TMEFF2: variants seen among roughly 807,000 people sequenced by gnomAD.
TMEFF2 encodes the protein transmembrane protein with EGF like and two follistatin like domains 2.
In TMEFF2, 28 loss-of-function variants were observed where a neutral mutation model predicts 53.8. That is an observed-to-expected ratio of 0.52 (90% CI 0.39 to 0.71). TMEFF2 has a LOEUF of 0.71. TMEFF2 is among the 30% of genes least tolerant of loss of function. The pLI is 0.00. For synonymous variants in TMEFF2, 162 were observed against 166.3 expected (o/e 0.97, Z 0.20); for missense variants, 353 against 455.2 (o/e 0.78, Z 2.04).
Position 192,013,455 on chromosome 2 carries a change from C to CTT in TMEFF2, c.537-14249_537-14248dup, listed in dbSNP as rs879414897. Among the ~76,000 whole-genome samples the CTT allele has an allele frequency of 4.0e-4, 57 of 143,826 alleles. 1 individual carries two copies. The highest frequency in any genetic ancestry group is 1.3e-3 in the African/African-American group (53 of 39,464). 94.4% of individuals were successfully genotyped at this position (143,826 alleles called of 152,430 possible). A position where few individuals can be genotyped will look rare whatever the true frequency, so the allele number is the denominator to read the frequency against. ...TCTCTGAATCATGGTATATTACATACTTTTTTTTTTTTTTTGAGACAGTCT... is the reference window on the plus strand; with the variant it reads ...TCTCTGAATCATGGTATATTACATACTTTTTTTTTTTTTTTTTGAGACAGTCT... On this transcript the variant is annotated intron_variant, in intron 5 of 9. Transcript: ENST00000272771.
At chr2:192,132,414 C>CTAA (rs1160513859) in intron 4 of TMEFF2, among the ~76,000 whole-genome samples, 1 of 152,084 alleles carries the variant, frequency 6.6e-6, no homozygotes, top group Non-Finnish European at 1.5e-5. Context: ...GCCCTAGACC[C>CTAA]TAAAAGGTCA....
intron 4 of TMEFF2, among the ~76,000 whole-genome samples, chr2:192,138,462 A>C (rs774722154): frequency 1.1e-4 from 17 of 152,192 alleles, no homozygotes; most frequent in Admixed American, 3.3e-4. Context: ...GATTGTTGAG[A>C]TCCACCTCCA....
intron 5 of TMEFF2, among the ~76,000 whole-genome samples, chr2:191,999,609 A>C (rs1422769256): frequency 6.6e-6 from 1 of 152,008 alleles, no homozygotes; most frequent in Non-Finnish European, 1.5e-5. Flanking sequence ...TGAATGGTTA[A>C]AGCTTGTGGA....
intron 4 of TMEFF2, among the ~76,000 whole-genome samples, chr2:192,161,952 G>C (rs1690644420): frequency 6.6e-6 from 1 of 152,160 alleles, no homozygotes; most frequent in Non-Finnish European, 1.5e-5. Flanking sequence ...CATATTAAAG[G>C]TTCTAAAATT....
chr2:191,954,676 TCTG>T (rs1434515458), intron 8 of TMEFF2, among the ~76,000 whole-genome samples: 1 of 152,086 alleles, frequency 6.6e-6, no homozygotes, highest in African/African-American at 2.4e-5. Flanking sequence ...AAAAAAATCA[TCTG>T]CTGATGATAG....
intron 7 of TMEFF2, among the ~76,000 whole-genome samples, chr2:191,973,146 C>A (rs1013384251): frequency 1.3e-5 from 2 of 152,080 alleles, no homozygotes; most frequent in African/African-American, 4.8e-5. Flanking sequence ...GTGAGAAATG[C>A]TTTTAAGCAA....
At chr2:191,961,356 C>T (rs548878797) in intron 7 of TMEFF2, among the ~76,000 whole-genome samples, 2 of 152,092 alleles carry the variant, frequency 1.3e-5, no homozygotes, top group Non-Finnish European at 2.9e-5. Flanking sequence ...TGTTGGTCCA[C>T]AAAATGTGTC....
chr2:192,104,155 G>C (rs73982394), intron 4 of TMEFF2, among the ~76,000 whole-genome samples: 13 of 152,060 alleles, frequency 8.5e-5, no homozygotes, highest in Non-Finnish European at 7.4e-5. Context: ...AAGGTAAAAG[G>C]GGGTAGCAGT....
chr2:192,182,648 C>T (rs927652537), intron 3 of TMEFF2, among the ~76,000 whole-genome samples: 1 of 151,846 alleles, frequency 6.6e-6, no homozygotes, highest in Non-Finnish European at 1.5e-5. Context: ...TGGCCATAAC[C>T]GTAACTTCTG....
intron 4 of TMEFF2, among the ~76,000 whole-genome samples, chr2:192,130,996 G>T (rs1468426483): frequency 1.3e-5 from 2 of 151,938 alleles, no homozygotes; most frequent in Admixed American, 1.3e-4. Context: ...GTCAGACCAC[G>T]CAGGGACGCC....
At chr2:192,135,197 C>T (rs1286517458) in intron 4 of TMEFF2, among the ~76,000 whole-genome samples, 1 of 152,192 alleles carries the variant, frequency 6.6e-6, no homozygotes, top group Non-Finnish European at 1.5e-5. Flanking sequence ...GTTTACACTG[C>T]CAGTTCACAC....
intron 4 of TMEFF2, among the ~76,000 whole-genome samples, chr2:192,077,034 T>C (rs937479608): frequency 6.6e-6 from 1 of 152,174 alleles, no homozygotes; most frequent in East Asian, 1.9e-4. Context: ...GAAAATGATA[T>C]CTAAATGGTA....
At chr2:192,123,739 C>T (rs1159894975) in intron 4 of TMEFF2, among the ~76,000 whole-genome samples, 3 of 152,156 alleles carry the variant, frequency 2.0e-5, no homozygotes, top group Non-Finnish European at 4.4e-5. Flanking sequence ...AATTAGTCCT[C>T]TGAGTTATTA....
intron 2 of TMEFF2, among the ~76,000 whole-genome samples, chr2:192,190,790 A>G (rs1379935539): frequency 6.6e-6 from 1 of 152,200 alleles, no homozygotes; most frequent in African/African-American, 2.4e-5. Context: ...GTTGAATTCC[A>G]TCTAAAATAT....
At chr2:192,041,869 A>G (rs552059057) in intron 5 of TMEFF2, among the ~76,000 whole-genome samples, 1 of 152,270 alleles carries the variant, frequency 6.6e-6, no homozygotes, top group African/African-American at 2.4e-5. Context: ...CTTGTTTTAT[A>G]TGGGTTTGGT....
intron 4 of TMEFF2, among the ~76,000 whole-genome samples, chr2:192,059,866 A>G (rs577536845): frequency 6.4e-4 from 97 of 152,330 alleles, no homozygotes; most frequent in Non-Finnish European, 1.2e-3. Context: ...GTGCCTTTCT[A>G]TGAAGTCACC....
At chr2:192,185,445 CTAAG>C (rs1285016889) in intron 2 of TMEFF2, among the ~76,000 whole-genome samples, 1 of 151,968 alleles carries the variant, frequency 6.6e-6, no homozygotes, top group Non-Finnish European at 1.5e-5. Flanking sequence ...ATGCCAGAAA[CTAAG>C]TAAGGAAAAT....
At chr2:192,128,783 T>G (rs926741661) in intron 4 of TMEFF2, among the ~76,000 whole-genome samples, 11 of 152,178 alleles carry the variant, frequency 7.2e-5, no homozygotes, top group African/African-American at 2.7e-4. Flanking sequence ...ACCTTGATTG[T>G]GGGTTGCCAA....
chr2:192,134,179 T>G (rs1326763600), intron 4 of TMEFF2, among the ~76,000 whole-genome samples: 1 of 152,228 alleles, frequency 6.6e-6, no homozygotes, highest in Non-Finnish European at 1.5e-5. Flanking sequence ...ACCTGACGCA[T>G]ATACTTTCTG....
Sources: allele counts gnomAD v4.1 joint callset (sites outside exome capture counted in the v4.1 genomes callset), GRCh38; gene constraint gnomAD v4.1.1; transcripts MANE v1.5; gene names NCBI Gene and HGNC (gene_info 2026-07-23, HGNC 2026-07-21).